RBFOX1: variants seen among roughly 807,000 people sequenced by gnomAD.
RBFOX1 encodes the protein RNA binding fox-1 homolog 1.
RBFOX1 carries 8 observed loss-of-function variants against 57.7 expected under a neutral mutation model. The ratio of observed to expected loss-of-function variants is 0.14; its 90% CI spans 0.08 to 0.25. The LOEUF (loss-of-function observed/expected upper bound fraction) is 0.25, where lower values mean the gene tolerates loss of function less well. RBFOX1 is among the 10% of genes least tolerant of loss of function. RBFOX1 has a pLI of 1.00. For missense variants in RBFOX1, 611 were observed against 548.5 expected (o/e 1.11, Z -1.14); for synonymous variants, 326 against 222.4 (o/e 1.47, Z -4.15).
intron 2 of RBFOX1, among the ~76,000 whole-genome samples, chr16:6,363,805 T>C (rs2089069786): frequency 6.6e-6 from 1 of 152,228 alleles, no homozygotes; most frequent in African/African-American, 2.4e-5. Context: ...TCAGACCCTC[T>C]TGTTACTTTT....
At chr16:7,570,370 C>CAA (rs2092648484) in intron 5 of RBFOX1, among the ~76,000 whole-genome samples, 1 of 152,022 alleles carries the variant, frequency 6.6e-6, no homozygotes, top group African/African-American at 2.4e-5. Flanking sequence ...ATCCCCTCTC[C>CAA]CCTACTGAGC....
At chr16:6,182,053 G>A (rs1265659872) in intron 1 of RBFOX1, among the ~76,000 whole-genome samples, 1 of 152,168 alleles carries the variant, frequency 6.6e-6, no homozygotes. Flanking sequence ...GGAAGACTGG[G>A]AAATGTAGTA....
Position 7,585,839 on chromosome 16 carries a change from A to G in RBFOX1, c.415-1408A>G, listed in dbSNP as rs957721681. 5.3e-5 allele frequency among the ~76,000 whole-genome samples: 8 copies of G among 152,106 alleles called. No homozygotes were observed. The South Asian group carries it at 1.2e-3, about 24-fold the overall frequency. On this transcript the variant is annotated intron_variant, in intron 6 of 15. Transcript: ENST00000550418. ...CACTCTCTGTGTCTCTGGATACTCT[A>G]TGACTGAAACACATAGTCAGGCAAA...
intron 1 of RBFOX1, among the ~76,000 whole-genome samples, chr16:6,249,269 A>G (rs955961017): frequency 1.3e-5 from 2 of 152,086 alleles, no homozygotes; most frequent in Admixed American, 6.6e-5. Context: ...ACTTGTGACC[A>G]TAATCCCAGC....
At chr16:6,612,661 GGC>G in intron 2 of RBFOX1, among the ~76,000 whole-genome samples, 1 of 152,000 alleles carries the variant, frequency 6.6e-6, no homozygotes, top group Middle Eastern at 3.4e-3. Context: ...AGATCAGCCT[GGC>G]CAACATGACA....
At chr16:7,288,492 T>G (rs1161312311) in intron 4 of RBFOX1, among the ~76,000 whole-genome samples, 1 of 152,194 alleles carries the variant, frequency 6.6e-6, no homozygotes, top group Admixed American at 6.5e-5. Flanking sequence ...AGATAATGAA[T>G]GTAAAACCCT....
At chr16:5,609,192 G>A (rs780073290) in intron 3 of RBFOX1, among the ~76,000 whole-genome samples, 2 of 152,118 alleles carry the variant, frequency 1.3e-5, no homozygotes, top group Non-Finnish European at 2.9e-5. Context: ...GAAACTACCT[G>A]GGGCCTTCTT....
At chr16:6,914,093 G>T (rs536496316) in intron 3 of RBFOX1, among the ~76,000 whole-genome samples, 1 of 152,266 alleles carries the variant, frequency 6.6e-6, no homozygotes, top group East Asian at 1.9e-4. Flanking sequence ...AATCTATCCA[G>T]TGCTAAAACA....
At chr16:5,599,014 C>G in exon 3 of RBFOX1, 1 of 1,396,452 alleles carries the variant, frequency 7.2e-7, no homozygotes, top group Non-Finnish European at 9.8e-7. Context: ...ACTTTTGCAT[C>G]CTTTTCAGCC....
intron 9 of RBFOX1, among the ~76,000 whole-genome samples, chr16:7,606,065 C>A (rs1186000744): frequency 6.6e-6 from 1 of 151,868 alleles, no homozygotes; most frequent in Non-Finnish European, 1.5e-5. Flanking sequence ...CCTGCCTTGG[C>A]CTCTCAAAGT....
chr16:5,904,735 T>C (rs900895090), intron 4 of RBFOX1, among the ~76,000 whole-genome samples: 2 of 151,946 alleles, frequency 1.3e-5, no homozygotes, highest in Non-Finnish European at 2.9e-5. Flanking sequence ...CCCAGCACTT[T>C]GGGAGGCTGA....
chr16:6,800,193 C>T (rs950414858), intron 3 of RBFOX1, among the ~76,000 whole-genome samples: 13 of 145,788 alleles, frequency 8.9e-5, no homozygotes, highest in Non-Finnish European at 1.9e-4. Flanking sequence ...GTATTGAAAA[C>T]AAGTCTTGCT....
chr16:7,637,608 A>G (rs927084645), intron 11 of RBFOX1, among the ~76,000 whole-genome samples: 3 of 152,206 alleles, frequency 2.0e-5, no homozygotes, highest in Non-Finnish European at 4.4e-5. Context: ...AATACAGAAA[A>G]TGTCAGTGGG....
chr16:5,733,266 C>T (rs370347640), intron 3 of RBFOX1, among the ~76,000 whole-genome samples: 5 of 152,164 alleles, frequency 3.3e-5, no homozygotes, highest in Admixed American at 6.5e-5. Flanking sequence ...AATATACAAA[C>T]GCTTCTGAGC....
chr16:6,317,859 G>A (rs1257384816), intron 2 of RBFOX1, among the ~76,000 whole-genome samples: 1 of 152,070 alleles, frequency 6.6e-6, no homozygotes, highest in Non-Finnish European at 1.5e-5. Flanking sequence ...ATTTTAAAAG[G>A]CTAGCTGAAA....
chr16:6,372,477 G>A (rs981478750), intron 2 of RBFOX1, among the ~76,000 whole-genome samples: 1 of 151,848 alleles, frequency 6.6e-6, no homozygotes, highest in African/African-American at 2.4e-5. Context: ...GAGTATTGTT[G>A]GATGGAATGG....
At chr16:5,888,298 C>G (rs542209838) in intron 4 of RBFOX1, among the ~76,000 whole-genome samples, 1 of 152,188 alleles carries the variant, frequency 6.6e-6, no homozygotes, top group Non-Finnish European at 1.5e-5. Context: ...CCCTCATTAT[C>G]CATCCCAAAG....
chr16:6,957,661 C>A (rs1160286505), intron 3 of RBFOX1, among the ~76,000 whole-genome samples: 1 of 152,100 alleles, frequency 6.6e-6, no homozygotes, highest in African/African-American at 2.4e-5. Flanking sequence ...CCTGTCTCAT[C>A]TTGTGACTTA....
At chr16:6,167,049 A>G (rs923136691) in intron 1 of RBFOX1, among the ~76,000 whole-genome samples, 3 of 152,192 alleles carry the variant, frequency 2.0e-5, no homozygotes, top group African/African-American at 7.2e-5. Flanking sequence ...CTGGGATTAC[A>G]GGCATAAGCC....
Sources: allele counts gnomAD v4.1 joint callset (sites outside exome capture counted in the v4.1 genomes callset), GRCh38; gene constraint gnomAD v4.1.1; transcripts MANE v1.5; gene names NCBI Gene and HGNC (gene_info 2026-07-23, HGNC 2026-07-21).